Variants in RIMS1 observed in about 807,000 individuals in gnomAD.
The protein encoded by RIMS1 is regulating synaptic membrane exocytosis protein 1.
In RIMS1, 83 loss-of-function variants were observed where a neutral mutation model predicts 214.1. The ratio of observed to expected loss-of-function variants is 0.39; its 90% CI spans 0.32 to 0.47. The LOEUF is 0.47. Among genes scored for constraint, RIMS1 ranks in the 20% least tolerant of loss-of-function variants. The pLI is 0.99. For synonymous variants in RIMS1, 793 were observed against 786.8 expected (o/e 1.01, Z -0.13); for missense variants, 2,050 against 2,161.8 (o/e 0.95, Z 1.03).
At chr6:72,143,089 G>C (rs960666950) in intron 4 of RIMS1, among the ~76,000 whole-genome samples, 2 of 152,086 alleles carry the variant, frequency 1.3e-5, no homozygotes, top group African/African-American at 4.8e-5. Context: ...TAGTGTTCAT[G>C]GTGGTTGATG....
At chr6:72,342,945 T>C (rs955523738) in intron 29 of RIMS1, among the ~76,000 whole-genome samples, 3 of 151,750 alleles carry the variant, frequency 2.0e-5, no homozygotes, top group Non-Finnish European at 4.4e-5. Context: ...CTTGATCTTC[T>C]CAGTGCAAAT....
chr6:72,330,960 ACT>A (rs2096637251), intron 28 of RIMS1, among the ~76,000 whole-genome samples: 2 of 151,624 alleles, frequency 1.3e-5, no homozygotes, highest in Non-Finnish European at 2.9e-5. Context: ...AGAAAAAAAA[ACT>A]CATATTTTAT....
At chr6:72,255,305 GT>G (rs1486383187) in intron 16 of RIMS1, among the ~76,000 whole-genome samples, 4 of 152,144 alleles carry the variant, frequency 2.6e-5, no homozygotes, top group Non-Finnish European at 5.9e-5. Context: ...GAAAAAATTT[GT>G]TTAGATATGG....
intron 1 of RIMS1, among the ~76,000 whole-genome samples, chr6:71,940,447 C>T (rs1226701945): frequency 6.6e-6 from 1 of 152,122 alleles, no homozygotes; most frequent in Non-Finnish European, 1.5e-5. Flanking sequence ...GAATGCTGAA[C>T]TACCAATCTC....
intron 6 of RIMS1, among the ~76,000 whole-genome samples, chr6:72,192,391 G>A (rs750906510): frequency 1.3e-5 from 2 of 152,168 alleles, no homozygotes; most frequent in South Asian, 2.1e-4. Flanking sequence ...ATAAATTGTC[G>A]ATAGTGTAGT....
At chr6:72,171,654 T>C (rs754051711) in intron 4 of RIMS1, among the ~76,000 whole-genome samples, 5 of 152,188 alleles carry the variant, frequency 3.3e-5, no homozygotes, top group Non-Finnish European at 7.3e-5. Flanking sequence ...CTTTGCAAGT[T>C]GGCCTGAGTG....
At chr6:72,352,397 G>T (rs1168858334) in intron 29 of RIMS1, among the ~76,000 whole-genome samples, 1 of 152,058 alleles carries the variant, frequency 6.6e-6, no homozygotes, top group African/African-American at 2.4e-5. Context: ...AGATTAATTT[G>T]CCCAGGATCA....
chr6:72,009,027 C>T (rs1328627352), intron 2 of RIMS1, among the ~76,000 whole-genome samples: 4 of 152,166 alleles, frequency 2.6e-5, no homozygotes, highest in African/African-American at 9.7e-5. Flanking sequence ...ATACATTCTT[C>T]TCAGCACCAC....
At chr6:72,186,779 A>ACC (rs11382729) in intron 6 of RIMS1, among the ~76,000 whole-genome samples, 31,622 of 147,798 alleles carry the variant, frequency 0.21, 3,531 homozygotes, top group South Asian at 0.26. Flanking sequence ...GTATATATGT[A>ACC]CCCCCCCCCA....
At chr6:71,965,093 A>G (rs530686682) in intron 1 of RIMS1, among the ~76,000 whole-genome samples, 12 of 152,338 alleles carry the variant, frequency 7.9e-5, no homozygotes, top group Admixed American at 3.3e-4. Context: ...ACACAAACAC[A>G]TGTATTTCCC....
At chr6:72,381,617 G>A (rs2098489626) in intron 29 of RIMS1, among the ~76,000 whole-genome samples, 1 of 152,198 alleles carries the variant, frequency 6.6e-6, no homozygotes, top group African/African-American at 2.4e-5. Context: ...TAAAACATAC[G>A]AAAAGCCATG....
At chr6:72,272,888 A>G (rs1220697700) in intron 22 of RIMS1, among the ~76,000 whole-genome samples, 2 of 152,200 alleles carry the variant, frequency 1.3e-5, no homozygotes, top group Admixed American at 1.3e-4. Context: ...AAAAGCCAGT[A>G]CAGTGAAAAG....
At chr6:72,206,383 TTCTA>T (rs2052915936) in intron 6 of RIMS1, among the ~76,000 whole-genome samples, 1 of 152,218 alleles carries the variant, frequency 6.6e-6, no homozygotes, top group Non-Finnish European at 1.5e-5. Context: ...ACTGTCTTTA[TTCTA>T]TCTTCTATGA....
chr6:71,899,590 A>G (rs1772960683), intron 1 of RIMS1, among the ~76,000 whole-genome samples: 1 of 152,134 alleles, frequency 6.6e-6, no homozygotes, highest in Non-Finnish European at 1.5e-5. Flanking sequence ...ACATTCTTCT[A>G]TAAAGTCTTA....
intron 2 of RIMS1, among the ~76,000 whole-genome samples, chr6:72,088,344 G>A (rs967598913): frequency 3.3e-5 from 5 of 151,842 alleles, no homozygotes; most frequent in African/African-American, 7.3e-5. Flanking sequence ...TGCCTCCCAG[G>A]TTCAAGCGAT....
At chr6:72,198,329 AAAT>A (rs562726737) in intron 6 of RIMS1, among the ~76,000 whole-genome samples, 5 of 76,584 alleles carry the variant, frequency 6.5e-5, no homozygotes, top group East Asian at 6.0e-4. Context: ...GGTTATTATG[AAAT>A]AATAATCATC....
At chr6:72,214,741 A>G (rs2055027653) in intron 6 of RIMS1, among the ~76,000 whole-genome samples, 1 of 149,936 alleles carries the variant, frequency 6.7e-6, no homozygotes, top group Non-Finnish European at 1.5e-5. Context: ...TTTTTTTGGG[A>G]GATGGAATCT....
chr6:71,998,727 A>G (rs1804226079), intron 2 of RIMS1, among the ~76,000 whole-genome samples: 1 of 152,096 alleles, frequency 6.6e-6, no homozygotes, highest in Non-Finnish European at 1.5e-5. Context: ...TGTGTTCATC[A>G]ATATTACTTT....
intron 16 of RIMS1, among the ~76,000 whole-genome samples, chr6:72,254,591 A>C (rs941689868): frequency 3.9e-5 from 6 of 152,216 alleles, no homozygotes; most frequent in Non-Finnish European, 7.3e-5. Flanking sequence ...AGTGGTTCCC[A>C]AATTTCATTC....
Sources: gnomAD v4.1 joint callset for allele counts (sites outside exome capture counted in the v4.1 genomes callset) on GRCh38, gnomAD v4.1.1 for gene constraint, MANE v1.5 for transcripts, NCBI Gene and HGNC (gene_info 2026-07-23, HGNC 2026-07-21) for gene names.